The following ANXA10 variants were observed in gnomAD, a reference collection of about 807,000 sequenced individuals.
ANXA10 encodes the protein annexin A10, also known as annexin 14.
In ANXA10, 49 loss-of-function variants were observed where a neutral mutation model predicts 53.5. The observed-to-expected ratio is 0.92, with a 90% CI of 0.73 to 1.16. The LOEUF (loss-of-function observed/expected upper bound fraction) is 1.16. Ranked by LOEUF, ANXA10 falls within the 50% of genes most tolerant of loss-of-function variation. The probability of loss-of-function intolerance (pLI) is 0.00; values close to 1 mark genes in which losing one functional copy is unlikely to be tolerated. For missense variants in ANXA10, 393 were observed against 394.4 expected, an observed-to-expected ratio of 1.00 and a Z score of 0.03; for synonymous variants, 131 against 128.9, an observed-to-expected ratio of 1.02 and a Z score of -0.11.
intron 9 of ANXA10, 105 bp downstream of exon 9, chr4:168,179,417 A>C: frequency 2.6e-6 from 2 of 761,624 alleles, no homozygotes; most frequent in Non-Finnish European, 4.2e-6. Context: ...TGATCGAGTC[A>C]TTTTCCCTTG....
chr4:168,092,898 T>C (rs1001998138), intron 1 of ANXA10, among the ~76,000 whole-genome samples, 180 bp downstream of exon 1: 1 of 152,184 alleles, frequency 6.6e-6, no homozygotes, highest in African/African-American at 2.4e-5. Context: ...AATATTTAAA[T>C]TTTATTTCTG....
chr4:168,109,181 G>A (rs1039081907), intron 1 of ANXA10, among the ~76,000 whole-genome samples: 7 of 152,078 alleles, frequency 4.6e-5, no homozygotes, highest in African/African-American at 1.7e-4. Flanking sequence ...GTACCCATCA[G>A]ATGAGAATTT....
intron 1 of ANXA10, among the ~76,000 whole-genome samples, chr4:168,100,740 G>C (rs1219297362): frequency 6.6e-6 from 1 of 151,984 alleles, no homozygotes; most frequent in Non-Finnish European, 1.5e-5. Context: ...TATGAGACTA[G>C]ATATGCACCT....
chr4:168,137,770 T>C (rs578116598), intron 2 of ANXA10, among the ~76,000 whole-genome samples: 2 of 152,282 alleles, frequency 1.3e-5, no homozygotes, highest in East Asian at 3.9e-4. Flanking sequence ...CTTTTTTATA[T>C]AATGATTACT....
chr4:168,182,555 G>A (rs1732274234), intron 10 of ANXA10, among the ~76,000 whole-genome samples: 1 of 148,374 alleles, frequency 6.7e-6, no homozygotes, highest in South Asian at 2.1e-4. Flanking sequence ...GGATGGTCTC[G>A]ATTTCCTGAC....
At chr4:168,155,774 ATATAT>A (rs1476760758) in intron 3 of ANXA10, among the ~76,000 whole-genome samples, 460 of 14,426 alleles carry the variant, frequency 0.032, 79 homozygotes, top group Non-Finnish European at 0.042. Flanking sequence ...ATGATATATC[ATATAT>A]TATATATTAT....
At chr4:168,156,972 C>G (rs1484786455) in intron 3 of ANXA10, among the ~76,000 whole-genome samples, 2 of 152,040 alleles carry the variant, frequency 1.3e-5, no homozygotes, top group African/African-American at 4.8e-5. Flanking sequence ...AATCATTCCT[C>G]TAGGGCACCA....
At chr4:168,176,502 G>C (rs1055447213) in intron 6 of ANXA10, among the ~76,000 whole-genome samples, 1 of 152,140 alleles carries the variant, frequency 6.6e-6, no homozygotes, top group Non-Finnish European at 1.5e-5. Context: ...CCCTGCCATG[G>C]TCATAAACAA....
At chr4:168,163,193 G>T (rs1389264532) in intron 4 of ANXA10, among the ~76,000 whole-genome samples, 2 of 152,058 alleles carry the variant, frequency 1.3e-5, no homozygotes, top group Non-Finnish European at 2.9e-5. Context: ...TTTCTTACAG[G>T]AAAGTCATTT....
intron 1 of ANXA10, among the ~76,000 whole-genome samples, chr4:168,101,819 CATCT>C (rs1489077296): frequency 2.6e-5 from 4 of 152,024 alleles, no homozygotes; most frequent in Non-Finnish European, 5.9e-5. Context: ...TGCATGTCTC[CATCT>C]ACCTTCCTAC....
chr4:168,148,318 C>G (rs1442485752), intron 3 of ANXA10, among the ~76,000 whole-genome samples: 1 of 152,032 alleles, frequency 6.6e-6, no homozygotes, highest in Non-Finnish European at 1.5e-5. Context: ...AGGTGCCCAC[C>G]ACCACGCCCA....
At chr4:168,125,117 G>A (rs1731047916) in intron 1 of ANXA10, among the ~76,000 whole-genome samples, 1 of 152,182 alleles carries the variant, frequency 6.6e-6, no homozygotes, top group South Asian at 2.1e-4. Flanking sequence ...GAACTCTTGG[G>A]AGACATGAGG....
chr4:168,113,362 C>T (rs1472711842), intron 1 of ANXA10: 1 of 136,748 alleles, frequency 7.3e-6, no homozygotes, highest in Admixed American at 7.3e-5. Context: ...TGGTGAGAGC[C>T]CAGTCTCTGC....
At chr4:168,155,419 T>A (rs1382802121) in intron 3 of ANXA10, among the ~76,000 whole-genome samples, 1 of 97,208 alleles carries the variant, frequency 1.0e-5, no homozygotes, top group Non-Finnish European at 1.9e-5. Context: ...TTATACATTA[T>A]ATTATATATA....
At chr4:168,124,308 A>G (rs892787618) in intron 1 of ANXA10, among the ~76,000 whole-genome samples, 2 of 152,148 alleles carry the variant, frequency 1.3e-5, no homozygotes, top group Admixed American at 6.6e-5. Flanking sequence ...TTGAGGAGGA[A>G]ATATTCAAAC....
At chr4:168,170,646 A>C (rs1731965824) in intron 6 of ANXA10, among the ~76,000 whole-genome samples, 1 of 152,206 alleles carries the variant, frequency 6.6e-6, no homozygotes, top group African/African-American at 2.4e-5. Flanking sequence ...ACAGCACTTA[A>C]GTATAGTAAA....
intron 3 of ANXA10, among the ~76,000 whole-genome samples, chr4:168,153,334 A>G (rs1731529101): frequency 6.6e-6 from 1 of 151,622 alleles, no homozygotes; most frequent in South Asian, 2.1e-4. Context: ...TGGTTGGGCC[A>G]AGAAAGGGCC....
intron 1 of ANXA10, among the ~76,000 whole-genome samples, chr4:168,102,433 T>C (rs1301426583): frequency 6.6e-6 from 1 of 152,046 alleles, no homozygotes. Context: ...CTCTGGCAAA[T>C]ATTGCACTGT....
intron 1 of ANXA10, among the ~76,000 whole-genome samples, chr4:168,112,800 C>T (rs1412934990): frequency 1.3e-5 from 2 of 152,106 alleles, no homozygotes; most frequent in Non-Finnish European, 2.9e-5. Context: ...GTGGGCGGAT[C>T]ATTTGAAGTC....
Sources: allele counts gnomAD v4.1 joint callset (sites outside exome capture counted in the v4.1 genomes callset), GRCh38; gene constraint gnomAD v4.1.1; transcripts MANE v1.5; gene names NCBI Gene and HGNC (gene_info 2026-07-23, HGNC 2026-07-21).